The following KCNIP1 variants were observed in gnomAD, a reference collection of about 807,000 sequenced individuals.
KCNIP1 encodes potassium voltage-gated channel interacting protein 1, also known as A-type potassium channel modulatory protein KCNIP1.
KCNIP1 carries 18 observed loss-of-function variants against 33.0 expected under a neutral mutation model. That is an observed-to-expected ratio of 0.55 (90% CI 0.38 to 0.81). The LOEUF (loss-of-function observed/expected upper bound fraction) is 0.81. KCNIP1 is among the 30% of genes least tolerant of loss of function. The probability of loss-of-function intolerance (pLI) is 0.00; values close to 1 mark genes in which losing one functional copy is unlikely to be tolerated. For synonymous variants in KCNIP1, 93 were observed against 98.3 expected (o/e 0.95, Z 0.32); for missense variants, 238 against 271.6 (o/e 0.88, Z 0.87).
At chr5:170,719,304 C>G (rs1386637018) in intron 2 of KCNIP1, among the ~76,000 whole-genome samples, 2 of 151,862 alleles carry the variant, frequency 1.3e-5, no homozygotes, top group Non-Finnish European at 2.9e-5. Context: ...GGAAATGGAA[C>G]TGACAGTGGA....
chr5:170,590,182 G>GTTACCTTCTT, intron 1 of KCNIP1, among the ~76,000 whole-genome samples: 2 of 152,280 alleles, frequency 1.3e-5, no homozygotes, highest in South Asian at 4.1e-4. Flanking sequence ...TAAAGAAGAG[G>GTTACCTTCTT]TAGTTGGGAG....
chr5:170,507,419 C>T (rs886912266), intron 1 of KCNIP1, among the ~76,000 whole-genome samples: 3 of 152,206 alleles, frequency 2.0e-5, no homozygotes, highest in Admixed American at 1.3e-4. Context: ...AGGTACTATT[C>T]AATTTATGGC....
intron 1 of KCNIP1, among the ~76,000 whole-genome samples, chr5:170,605,204 CAT>C (rs879452257): frequency 1.5e-5 from 2 of 131,920 alleles, no homozygotes; most frequent in Non-Finnish European, 3.6e-5. Context: ...CCTCCCTTAT[CAT>C]GTGCCCCGAC....
intron 1 of KCNIP1, among the ~76,000 whole-genome samples, chr5:170,693,318 A>T (rs115877581): frequency 0.011 from 1,693 of 152,272 alleles, 39 homozygotes; most frequent in African/African-American, 0.038. Flanking sequence ...AATGACCTGG[A>T]AGCCCCCACT....
chr5:170,451,838 A>T (rs1756262649), intron 1 of KCNIP1, among the ~76,000 whole-genome samples: 1 of 151,544 alleles, frequency 6.6e-6, no homozygotes, highest in Admixed American at 6.6e-5. Flanking sequence ...ATCTGGAAAG[A>T]GATCAGCTAA....
intron 1 of KCNIP1, among the ~76,000 whole-genome samples, chr5:170,490,383 G>GC (rs1757181527): frequency 6.6e-6 from 1 of 152,188 alleles, no homozygotes. Context: ...GCACAAGGGA[G>GC]CCCCCCGTGG....
intron 2 of KCNIP1, among the ~76,000 whole-genome samples, chr5:170,719,723 C>A (rs1581541763): frequency 1.3e-5 from 2 of 152,276 alleles, no homozygotes; most frequent in East Asian, 1.9e-4. Context: ...CTGACAGGTG[C>A]TGGGATGCCT....
chr5:170,389,515 C>A (rs1764627657), intron 1 of KCNIP1: 1 of 152,298 alleles, frequency 6.6e-6, no homozygotes, highest in Non-Finnish European at 1.5e-5. Context: ...TACCCAAGCC[C>A]TGCACCTCCA....
At chr5:170,683,047 T>C (rs957788815) in intron 1 of KCNIP1, among the ~76,000 whole-genome samples, 3 of 152,210 alleles carry the variant, frequency 2.0e-5, no homozygotes, top group Non-Finnish European at 4.4e-5. Flanking sequence ...ATTGCAGTTT[T>C]TGTTTTATTA....
chr5:170,625,946 A>C (rs1285030136), intron 1 of KCNIP1, among the ~76,000 whole-genome samples: 1 of 152,230 alleles, frequency 6.6e-6, no homozygotes, highest in African/African-American at 2.4e-5. Context: ...CAGGCAAGGC[A>C]GAACCCCAAG....
At chr5:170,707,208 AG>A (rs1272317904) in intron 1 of KCNIP1, among the ~76,000 whole-genome samples, 3 of 151,844 alleles carry the variant, frequency 2.0e-5, no homozygotes, top group South Asian at 4.2e-4. Flanking sequence ...CCAGACAAAA[AG>A]GTCCACTTAA....
At chr5:170,354,036 T>A in intron 1 of KCNIP1, 2 of 1,361,422 alleles carry the variant, frequency 1.5e-6, no homozygotes, top group Non-Finnish European at 2.1e-6. Flanking sequence ...CTCGGTGTGG[T>A]GAGCGTGACC....
intron 1 of KCNIP1, among the ~76,000 whole-genome samples, chr5:170,574,951 T>C (rs1757546712): frequency 1.3e-5 from 2 of 152,224 alleles, no homozygotes; most frequent in Non-Finnish European, 2.9e-5. Flanking sequence ...TTTTCATCAA[T>C]GTTATATGAA....
chr5:170,513,004 C>G (rs1371060893), intron 1 of KCNIP1, among the ~76,000 whole-genome samples: 4 of 151,520 alleles, frequency 2.6e-5, no homozygotes, highest in African/African-American at 9.7e-5. Context: ...GAGCCGAGAT[C>G]GCGCCACTGC....
chr5:170,610,371 T>C (rs1358418004), intron 1 of KCNIP1, among the ~76,000 whole-genome samples: 1 of 152,202 alleles, frequency 6.6e-6, no homozygotes, highest in Non-Finnish European at 1.5e-5. Flanking sequence ...TTTTCTTAAC[T>C]TCCTACTTAG....
Position 170,504,680 on chromosome 5 carries a change from C to T in KCNIP1, c.61+47C>T, listed in dbSNP as rs374911263. 113 of 1,544,274 alleles carry T rather than the reference C, an allele frequency of 7.3e-5. No homozygotes were observed. The South Asian group carries it at 1.1e-3, about 15-fold the overall frequency. On this transcript the variant is annotated intron_variant, in intron 1 of 7. Transcript: ENST00000328939. The surrounding 1 kb of genome is among the most constrained non-coding windows in gnomAD (Gnocchi z 6.0). Reference sequence around the variant, plus strand: ...GTTCCCCTGTCTGGGCTTGGGGGTGCTAGGCGCCGAGGTGGGCTGTGCCAC... The same window carrying T: ...GTTCCCCTGTCTGGGCTTGGGGGTGTTAGGCGCCGAGGTGGGCTGTGCCAC...
intron 1 of KCNIP1, among the ~76,000 whole-genome samples, chr5:170,484,927 T>G (rs1275525751): frequency 2.9e-5 from 4 of 140,348 alleles, no homozygotes; most frequent in African/African-American, 1.1e-4. Context: ...TTCTTTTTTT[T>G]GTTTTTTCTT....
intron 1 of KCNIP1, among the ~76,000 whole-genome samples, chr5:170,570,671 C>T (rs1288123427): frequency 6.6e-6 from 1 of 152,236 alleles, no homozygotes; most frequent in East Asian, 1.9e-4. Context: ...ATGACTGTGG[C>T]CCCGTGCCAG....
At chr5:170,585,904 G>A (rs1379220763) in intron 1 of KCNIP1, among the ~76,000 whole-genome samples, 2 of 152,174 alleles carry the variant, frequency 1.3e-5, no homozygotes, top group Non-Finnish European at 2.9e-5. Context: ...AGCCCTGCAG[G>A]AGCCAGTGGT....
Sources: allele counts gnomAD v4.1 joint callset (sites outside exome capture counted in the v4.1 genomes callset), GRCh38; gene constraint gnomAD v4.1.1; non-coding constraint Gnocchi (gnomAD v3.1); transcripts MANE v1.5; gene names NCBI Gene and HGNC (gene_info 2026-07-23, HGNC 2026-07-21).